Variants in DAB1 observed in about 807,000 individuals in gnomAD.
The protein encoded by DAB1 is disabled homolog 1.
A neutral mutation model predicts 64.6 loss-of-function variants in DAB1; 15 were observed. The observed-to-expected ratio is 0.23, with a 90% CI of 0.16 to 0.36. The LOEUF (loss-of-function observed/expected upper bound fraction) is 0.36, where lower values mean the gene tolerates loss of function less well. DAB1 is among the 10% of genes least tolerant of loss of function. DAB1 has a pLI of 1.00. For missense variants in DAB1, 596 were observed against 706.7 expected, an observed-to-expected ratio of 0.84 and a Z score of 1.78; for synonymous variants, 235 against 251.9, an observed-to-expected ratio of 0.93 and a Z score of 0.64.
intron 6 of DAB1, among the ~76,000 whole-genome samples, chr1:57,701,259 G>C (rs965519342): frequency 6.6e-6 from 1 of 152,066 alleles, no homozygotes; most frequent in Non-Finnish European, 1.5e-5. Flanking sequence ...GCACACGTAT[G>C]TTTATTGCAG....
intron 6 of DAB1, among the ~76,000 whole-genome samples, chr1:57,668,890 A>C (rs1255243323): frequency 6.6e-6 from 1 of 152,122 alleles, no homozygotes; most frequent in Non-Finnish European, 1.5e-5. Context: ...TATGTGTTTT[A>C]TTATGATCTT....
At chr1:58,361,599 G>A (rs1312796803) in intron 3 of DAB1, among the ~76,000 whole-genome samples, 3 of 152,114 alleles carry the variant, frequency 2.0e-5, no homozygotes, top group Non-Finnish European at 2.9e-5. Context: ...TTAGTGTATA[G>A]GTTCGGGGAC....
At chr1:57,495,202 C>T (rs1644215746) in intron 7 of DAB1, among the ~76,000 whole-genome samples, 2 of 152,276 alleles carry the variant, frequency 1.3e-5, no homozygotes, top group South Asian at 4.2e-4. Context: ...TGAAATTCAA[C>T]ATCTCACTTA....
At chr1:57,962,439 C>T (rs1162143229) in intron 5 of DAB1, among the ~76,000 whole-genome samples, 25 of 152,126 alleles carry the variant, frequency 1.6e-4, no homozygotes, top group Non-Finnish European at 1.5e-5. Context: ...TGACATCCTC[C>T]TTCCTATGAT....
At chr1:57,959,403 G>C (rs1171648528) in intron 5 of DAB1, among the ~76,000 whole-genome samples, 3 of 152,160 alleles carry the variant, frequency 2.0e-5, no homozygotes, top group Non-Finnish European at 2.9e-5. Context: ...ACATAAAAAA[G>C]TATTCTACAA....
chr1:57,429,278 T>A (rs943476484), intron 7 of DAB1, among the ~76,000 whole-genome samples: 2 of 151,756 alleles, frequency 1.3e-5, no homozygotes, highest in African/African-American at 4.9e-5. Flanking sequence ...GCCATTTATA[T>A]GCCTTCTTTA....
chr1:57,240,379 C>G (rs1321482552), intron 2 of DAB1, among the ~76,000 whole-genome samples: 1 of 152,160 alleles, frequency 6.6e-6, no homozygotes, highest in East Asian at 1.9e-4. Flanking sequence ...TCTTGCACAC[C>G]TCCACTGATC....
chr1:57,394,309 C>T (rs994827013), intron 1 of DAB1, among the ~76,000 whole-genome samples: 1 of 152,210 alleles, frequency 6.6e-6, no homozygotes, highest in Admixed American at 6.5e-5. Flanking sequence ...GCTTCGAAAA[C>T]CACTTGCTTT....
chr1:58,356,682 G>A (rs959976876), intron 3 of DAB1, among the ~76,000 whole-genome samples: 1 of 152,096 alleles, frequency 6.6e-6, no homozygotes, highest in Non-Finnish European at 1.5e-5. Context: ...TGAAAGTTTG[G>A]ATCAGAGAGT....
chr1:58,336,088 C>A lies in DAB1; in HGVS notation n.309+7264G>T, dbSNP rs567139283. 5.3e-5 allele frequency among the ~76,000 whole-genome samples: 8 copies of A among 152,236 alleles called. No homozygotes were observed. The East Asian group carries it at 1.5e-3, about 29-fold the overall frequency. The stretch of plus-strand genomic sequence containing the variant: ...ACCAAGAAGAGATCCAAGGTTCACC[C>A]CATTTGTCTTTGTGTTTTCCACTGT... On this transcript the variant is annotated intron_variant and non_coding_transcript_variant, in intron 4 of 20. Coordinates refer to the DAB1 transcript ENST00000485760.
chr1:57,069,842 C>T (rs1438434347), intron 7 of DAB1, among the ~76,000 whole-genome samples: 1 of 152,134 alleles, frequency 6.6e-6, no homozygotes. Context: ...GTTCAAAATC[C>T]TAAACAAACT....
rs71043289 is a variant in DAB1, at chr1:58,485,228, TAAAAAAAAAAAAAAA to T, written n.257+20817_257+20831del. On this transcript the variant is annotated intron_variant and non_coding_transcript_variant, in intron 3 of 20. Transcript: ENST00000485760. ...GTCTAAAAATAAAAGAGTCTACTAC[TAAAAAAAAAAAAAAA>T]AAAAAAAAAAAAAGCTGGCCTGGAA... is the stretch of plus-strand genomic sequence containing the variant. Among the ~76,000 whole-genome samples, 44 of 42,062 alleles carry T rather than the reference TAAAAAAAAAAAAAAA, an allele frequency of 1.0e-3. 1 individual carries two copies. The highest frequency in any genetic ancestry group is 3.9e-3 in the African/African-American group (40 of 10,294). 27.6% of individuals were successfully genotyped at this position (42,062 alleles called of 152,430 possible). A position where few individuals can be genotyped will look rare whatever the true frequency, so the allele number is the denominator to read the frequency against.
At chr1:58,506,975 G>A (rs189062092) in intron 2 of DAB1, among the ~76,000 whole-genome samples, 19 of 151,910 alleles carry the variant, frequency 1.3e-4, no homozygotes, top group African/African-American at 4.3e-4. Flanking sequence ...ATACTCATAC[G>A]TATATACTTG....
chr1:58,425,201 C>T (rs772832886), intron 3 of DAB1, among the ~76,000 whole-genome samples: 40 of 152,182 alleles, frequency 2.6e-4, no homozygotes, highest in Non-Finnish European at 4.4e-4. Flanking sequence ...GATTTTCTAA[C>T]CAGGTCCAGA....
intron 3 of DAB1, among the ~76,000 whole-genome samples, chr1:58,347,656 C>A (rs1377507518): frequency 6.6e-6 from 1 of 152,218 alleles, no homozygotes; most frequent in African/African-American, 2.4e-5. Flanking sequence ...CAGATCAATT[C>A]TTGCACTTCC....
At chr1:58,115,208 AT>A (rs1242110141) in intron 5 of DAB1, among the ~76,000 whole-genome samples, 93 of 98,832 alleles carry the variant, frequency 9.4e-4, no homozygotes, top group Admixed American at 3.6e-3. Flanking sequence ...AAAAGAAGAC[AT>A]TTATGCAGCC....
intron 5 of DAB1, among the ~76,000 whole-genome samples, chr1:58,014,203 A>G (rs745744108): frequency 1.2e-4 from 19 of 152,102 alleles, no homozygotes; most frequent in Non-Finnish European, 2.1e-4. Flanking sequence ...GCTCTGTCTG[A>G]CTCAATGTTC....
intron 5 of DAB1, among the ~76,000 whole-genome samples, chr1:58,101,133 G>A (rs536366825): frequency 3.3e-5 from 5 of 152,162 alleles, no homozygotes; most frequent in African/African-American, 1.2e-4. Flanking sequence ...TGGCTAACAC[G>A]GTGAAACCCT....
intron 4 of DAB1, among the ~76,000 whole-genome samples, chr1:57,107,200 C>A (rs1655242856): frequency 6.6e-6 from 1 of 151,864 alleles, no homozygotes. Context: ...CATGGTGAAA[C>A]CCCGTCCCTA....
Sources: gnomAD v4.1 joint callset for allele counts (sites outside exome capture counted in the v4.1 genomes callset) on GRCh38, gnomAD v4.1.1 for gene constraint, MANE v1.5 for transcripts, NCBI Gene and HGNC (gene_info 2026-07-23, HGNC 2026-07-21) for gene names.